Variants in STRN4 observed in about 807,000 individuals in gnomAD.
STRN4 encodes the protein striatin-4.
Under a neutral mutation model 77.9 loss-of-function variants are expected in STRN4, and 27 were observed. That is an observed-to-expected ratio of 0.35 (90% confidence interval 0.26 to 0.48). The LOEUF (loss-of-function observed/expected upper bound fraction) is 0.48. Ranked by LOEUF, STRN4 falls within the 20% of genes least tolerant of loss-of-function variation. STRN4 has a pLI of 0.99. For synonymous variants in STRN4, 466 were observed against 443.1 expected (o/e 1.05, Z -0.65); for missense variants, 798 against 1,049.7 (o/e 0.76, Z 3.31).
At chr19:46,737,110 TGG>T (rs2054382550) in intron 3 of STRN4, among the ~76,000 whole-genome samples, 1 of 152,166 alleles carries the variant, frequency 6.6e-6, no homozygotes, top group African/African-American at 2.4e-5. Context: ...TCCTGACTGG[TGG>T]TTCCCCAAAC....
intron 4 of STRN4, among the ~76,000 whole-genome samples, chr19:46,735,277 C>T (rs12980694): frequency 6.6e-6 from 1 of 151,846 alleles, no homozygotes; most frequent in Non-Finnish European, 1.5e-5. Context: ...CTGCACTCCA[C>T]TCTGGGTGAA....
At position 46,725,655 on chromosome 19, in the gene STRN4, T is replaced by A. The variant is rs776945286; in HGVS notation, c.1249-7A>T. 3 of 1,612,880 alleles carry A rather than the reference T, an allele frequency of 1.9e-6. No homozygotes were observed. The highest frequency in any genetic ancestry group is 2.5e-6 in the Non-Finnish European group (3 of 1,179,144). ...CATCTTTGCTGTCAGACAGCTGGGGTTGGGGGGAGCTGCCTCAGTGTCTTC... is the reference window on the plus strand; with the variant it reads ...CATCTTTGCTGTCAGACAGCTGGGGATGGGGGGAGCTGCCTCAGTGTCTTC... On this transcript the variant is annotated splice_polypyrimidine_tract_variant and splice_region_variant and intron_variant, in intron 9 of 17. Coordinates refer to ENST00000263280, the MANE Select transcript of STRN4 (RefSeq NM_013403.3).
rs113647931 is a variant in STRN4, at chr19:46,738,003, G to A, written c.460+161C>T. On this transcript the variant is annotated intron_variant, in intron 3 of 17. Transcript: ENST00000263280. The surrounding 1 kb of genome is among the most constrained non-coding windows in gnomAD (Gnocchi z 4.5). ...CCAGCACGGGACCTGGCAGCCCATA[G>A]GGAGGGCTCTGAGAGTGAGATTCCG... is the stretch of plus-strand genomic sequence containing the variant. Among the ~76,000 whole-genome samples, 243 of 152,156 alleles carry A rather than the reference G, an allele frequency of 1.6e-3. 1 individual carries two copies. The highest frequency in any genetic ancestry group is 5.2e-3 in the African/African-American group (215 of 41,516).
At chr19:46,737,287 TA>T (rs887416650) in intron 3 of STRN4, among the ~76,000 whole-genome samples, 3 of 152,236 alleles carry the variant, frequency 2.0e-5, no homozygotes, top group Non-Finnish European at 4.4e-5. Flanking sequence ...AGCTTAATGA[TA>T]ACAGCATCTC....
Position 46,734,720 on chromosome 19 carries a change from A to G in STRN4, c.540-1484T>C, listed in dbSNP as rs113436229. On this transcript the variant is annotated intron_variant, in intron 4 of 17. Coordinates refer to ENST00000263280, the MANE Select transcript of STRN4 (RefSeq NM_013403.3). Reference sequence around the variant, plus strand: ...TGCTCTGTCGCCCAGGCTGGAGTGCAGTGGCACGATCTCGGCTCACTGCAA... The same window carrying G: ...TGCTCTGTCGCCCAGGCTGGAGTGCGGTGGCACGATCTCGGCTCACTGCAA... Among the ~76,000 whole-genome samples, 246 of 152,296 alleles carry G rather than the reference A, an allele frequency of 1.6e-3. 1 individual carries two copies. Among genetic ancestry groups the G allele is most frequent in the African/African-American group, 5.2e-3 (218 of 41,566 alleles).
rs368741435 is a variant in STRN4, at chr19:46,738,160, G to A, written c.460+4C>T. The stretch of plus-strand genomic sequence containing the variant: ...CGACAGTGCGAGCATCAGAGGGTGG[G>A]TACCTTGTTCTGACACATCTGCTTT... On this transcript the variant is annotated splice_donor_region_variant and intron_variant, in intron 3 of 17. Transcript: ENST00000263280. This position sits in a 1 kb window ranked among gnomAD's most constrained non-coding sequence, Gnocchi z 4.5. 198 of 1,613,938 alleles carry A rather than the reference G, an allele frequency of 1.2e-4. 1 individual carries two copies. The African/African-American group carries it at 2.3e-3, about 18-fold the overall frequency.
At chr19:46,730,180 T>C (rs1048709450) in intron 6 of STRN4, among the ~76,000 whole-genome samples, 1 of 152,212 alleles carries the variant, frequency 6.6e-6, no homozygotes, top group African/African-American at 2.4e-5. Flanking sequence ...CTAGGCCTCC[T>C]GCAGTGCTGC....
At position 46,722,270 on chromosome 19, in the gene STRN4, C is replaced by A. The variant is rs1435943636; in HGVS notation, c.1977G>T (p.Arg659Ser). 9.9e-6 allele frequency: 16 copies of A among 1,614,184 alleles called. No homozygotes were observed. The highest frequency in any genetic ancestry group is 1.4e-5 in the Non-Finnish European group (16 of 1,180,022). ...QPLTITAHDD[R>S]GIRFLDNRTG... is the part of the protein sequence containing the mutation. ...TCCGATTGTCCAGGAAGCGGATGCC[C>A]CTGTCGTCGTGGGCGGTGATGGTGA... Residue 659 changes from arginine to serine, a missense_variant, in exon 15 of 18, where the codon AGG becomes AGT. This residue lies in a region of STRN4 where 287 missense variants were observed against 473.8 expected (regional missense o/e 0.61). Coordinates refer to ENST00000263280, the MANE Select transcript of STRN4 (RefSeq NM_013403.3).
At chr19:46,745,274 CA>C (rs898350601) in intron 1 of STRN4, among the ~76,000 whole-genome samples, 98 of 152,228 alleles carry the variant, frequency 6.4e-4, no homozygotes, top group African/African-American at 2.1e-3. Context: ...TGCACACCCC[CA>C]AAGTGGAACT....
At position 46,730,739 on chromosome 19, in the gene STRN4, C is replaced by A. The variant is rs145109884; in HGVS notation, c.872G>T (p.Arg291Leu). The change falls in exon 6 of 18, where the codon CGT becomes CTT. Residue 291 changes from arginine (R) to leucine (L), a missense_variant. By Grantham distance (102) the Arg-to-Leu change is moderately radical. Coordinates refer to ENST00000263280, the MANE Select transcript of STRN4 (RefSeq NM_013403.3). Reference sequence around the variant, plus strand: ...CATGGAGGAAGGGCTCACCTTCACACGCTGCTTCTTGTGCTGCACGCTGTC... The same window carrying A: ...CATGGAGGAAGGGCTCACCTTCACAAGCTGCTTCTTGTGCTGCACGCTGTC... Reference protein sequence around the residue: ...ELDSVQHKKQRVKLPSKALVP... With the variant: ...ELDSVQHKKQLVKLPSKALVP... The A allele has an allele frequency of 1.5e-4, 243 of 1,612,056 alleles. No homozygotes were observed. Among genetic ancestry groups the A allele is most frequent in the Non-Finnish European group, 1.9e-4 (224 of 1,180,004 alleles).
At chr19:46,740,400 T>C (rs1262514794) in intron 1 of STRN4, 1 of 152,130 alleles carries the variant, frequency 6.6e-6, no homozygotes, top group African/African-American at 2.4e-5. Flanking sequence ...CCAACACATA[T>C]GTATATAAAC....
rs369099278 is a variant in STRN4, at chr19:46,730,792, G to A, written c.819C>T (p.Asp273=). The A allele has an allele frequency of 2.5e-5, 40 of 1,612,860 alleles. No individual in the cohort carries two copies. In the East Asian group the frequency reaches 2.9e-4, roughly 12 times the overall value. ...GCTCATCGTCCTCGTCGCTGTCTTC[G>A]TCCTCGCAGTTCTGCAGGAAGGGGA... is the stretch of plus-strand genomic sequence containing the variant. ...GQIPFLQNCE[D]EDSDEDDELD... Residue 273 remains aspartate (D), a synonymous_variant, in exon 6 of 18, where the codon GAC becomes GAT. Transcript: ENST00000263280.
chr19:46,725,126 C>T (rs2054078276), intron 11 of STRN4, among the ~76,000 whole-genome samples, 198 bp from the exon 12 acceptor site: 1 of 150,274 alleles, frequency 6.7e-6, no homozygotes, highest in African/African-American at 2.4e-5. Flanking sequence ...CCCTGAAGGG[C>T]TGTGCTGAGT....
rs191583997 is a variant in STRN4 at position 46,721,775 on chromosome 19, A to G, written c.2092+211T>C. Reference sequence around the variant, plus strand: ...AAAGTACCAACCGCACAGGCTGCTTAGAGGCCGAATGAGACGATGCAGCTC... The same window carrying G: ...AAAGTACCAACCGCACAGGCTGCTTGGAGGCCGAATGAGACGATGCAGCTC... On this transcript the variant is annotated intron_variant, in intron 16 of 17. Coordinates refer to ENST00000263280, the MANE Select transcript of STRN4 (RefSeq NM_013403.3). 3.7e-4 allele frequency: 204 copies of G among 555,300 alleles called. 1 individual carries two copies. The highest frequency in any genetic ancestry group is 3.2e-3 in the African/African-American group (167 of 53,014). 34.4% of individuals were successfully genotyped at this position (555,300 alleles called of 1,614,324 possible).
chr19:46,727,975 C>A lies in STRN4; in HGVS notation c.1072G>T (p.Ala358Ser). The A allele has an allele frequency of 6.2e-7, 1 of 1,614,002 alleles. No homozygotes were observed. Among genetic ancestry groups the A allele is most frequent in the Non-Finnish European group, 8.5e-7 (1 of 1,179,934 alleles). ...SRRVKLQGILADLRDVDGLPP... is the reference protein window; with the variant it reads ...SRRVKLQGILSDLRDVDGLPP... The stretch of plus-strand genomic sequence containing the variant: ...AGCCCATCCACATCCCGCAGGTCAG[C>A]CAGAATGCCTTGGAGTTTGACCCGA... The change falls in exon 8 of 18, where the codon GCT becomes TCT. Residue 358 changes from alanine to serine, a missense_variant. Physicochemically the swap from Ala to Ser is moderately conservative, Grantham distance 99 (BLOSUM62 1). Coordinates refer to ENST00000263280, the MANE Select transcript of STRN4 (RefSeq NM_013403.3).
chr19:46,723,386 C>A lies in STRN4; in HGVS notation c.1595-102G>T. On this transcript the variant is annotated intron_variant, in intron 12 of 17. Transcript: ENST00000263280. The surrounding 1 kb of genome is among the most constrained non-coding windows in gnomAD (Gnocchi z 5.5). Reference sequence around the variant, plus strand: ...TGCCAAGCCCCAGGCAGCTGGGCTCCAATCACCCACGCACCCACTTCACAC... The same window carrying A: ...TGCCAAGCCCCAGGCAGCTGGGCTCAAATCACCCACGCACCCACTTCACAC... The A allele has an allele frequency of 7.2e-7, 1 of 1,383,928 alleles. No homozygotes were observed. The highest frequency in any genetic ancestry group is 1.4e-5 in the South Asian group (1 of 70,914). 85.7% of individuals were successfully genotyped at this position (1,383,928 alleles called of 1,614,324 possible).
chr19:46,745,970 C>T, intron 1 of STRN4, 179 bp downstream of exon 1: 1 of 744,670 alleles, frequency 1.3e-6, no homozygotes, highest in East Asian at 3.7e-5. Context: ...CCCGGAGTGC[C>T]CTCAGGACAC....
intron 4 of STRN4, among the ~76,000 whole-genome samples, chr19:46,734,122 G>T (rs2054310527): frequency 6.6e-6 from 1 of 152,224 alleles, no homozygotes; most frequent in African/African-American, 2.4e-5. Context: ...CACCAAAAGA[G>T]AGACAGGGAA....
rs2054619295 is a variant in STRN4, at chr19:46,746,396, G to T, written c.35C>A (p.Ala12Asp). Residue 12 changes from alanine to aspartate, a missense_variant, in exon 1 of 18, where the codon GCC becomes GAC. This residue lies in a region of STRN4 where 511 missense variants were observed against 575.9 expected (regional missense o/e 0.89). Transcript: ENST00000263280. ...MEERAAAAVA[A>D]AASSCRPLGS... Reference sequence around the variant, plus strand: ...GAGCGGACGGCAGGAGGAGGCGGCGGCGGCGACCGCGGCGGCCGCTCGCTC... The same window carrying T: ...GAGCGGACGGCAGGAGGAGGCGGCGTCGGCGACCGCGGCGGCCGCTCGCTC... The T allele has an allele frequency of 9.4e-7, 1 of 1,062,834 alleles. No homozygotes were observed. Among genetic ancestry groups the T allele is most frequent in the Admixed American group, 5.4e-5 (1 of 18,500 alleles). The allele number at this position is 1,062,834 out of a possible 1,614,324, so 65.8% of individuals were successfully genotyped here. A position where few individuals can be genotyped will look rare whatever the true frequency, so the allele number is the denominator to read the frequency against.
Sources: allele counts gnomAD v4.1 joint callset (sites outside exome capture counted in the v4.1 genomes callset), GRCh38; gene constraint gnomAD v4.1.1; regional missense constraint gnomAD v4.1.1; non-coding constraint Gnocchi (gnomAD v3.1); transcripts MANE v1.5; gene names NCBI Gene and HGNC (gene_info 2026-07-23, HGNC 2026-07-21).